Variants in MARCHF1 observed in about 807,000 individuals in gnomAD.
The protein encoded by MARCHF1 is E3 ubiquitin-protein ligase MARCHF1.
Under a neutral mutation model 54.2 loss-of-function variants are expected in MARCHF1, and 40 were observed. The ratio of observed to expected loss-of-function variants is 0.74; its 90% CI spans 0.57 to 0.96. MARCHF1 has a LOEUF of 0.96. Ranked by LOEUF, MARCHF1 falls within the 40% of genes least tolerant of loss-of-function variation. The pLI is 0.00. For missense variants in MARCHF1, 586 were observed against 656.5 expected (o/e 0.89, Z 1.17); for synonymous variants, 236 against 236.3 (o/e 1.00, Z 0.01).
intron 1 of MARCHF1, among the ~76,000 whole-genome samples, chr4:164,305,607 T>C (rs1234603339): frequency 6.6e-6 from 1 of 152,156 alleles, no homozygotes; most frequent in African/African-American, 2.4e-5. Flanking sequence ...TAAGAAAAAA[T>C]AAAATATTTA....
chr4:163,750,560 A>G (rs1746494006), intron 4 of MARCHF1, among the ~76,000 whole-genome samples: 1 of 151,950 alleles, frequency 6.6e-6, no homozygotes. Flanking sequence ...AAATAAACGT[A>G]TCTGACAAAG....
At chr4:164,295,405 G>A (rs559060299) in intron 1 of MARCHF1, among the ~76,000 whole-genome samples, 1 of 150,902 alleles carries the variant, frequency 6.6e-6, no homozygotes, top group East Asian at 2.0e-4. Context: ...TACATTTTGG[G>A]GTGATGTGTT....
intron 4 of MARCHF1, among the ~76,000 whole-genome samples, chr4:163,747,675 TAAC>T (rs1350346492): frequency 1.3e-5 from 2 of 152,042 alleles, no homozygotes; most frequent in Non-Finnish European, 2.9e-5. Context: ...CATAACAATA[TAAC>T]AACTGAAATT....
intron 2 of MARCHF1, among the ~76,000 whole-genome samples, chr4:164,042,936 C>T (rs1252511286): frequency 6.6e-6 from 1 of 152,172 alleles, no homozygotes; most frequent in East Asian, 1.9e-4. Context: ...AAAATAATCT[C>T]GACTGTATTT....
At chr4:163,824,011 G>A (rs1351637970) in intron 4 of MARCHF1, among the ~76,000 whole-genome samples, 1 of 151,616 alleles carries the variant, frequency 6.6e-6, no homozygotes, top group African/African-American at 2.4e-5. Context: ...TAAAAGATGG[G>A]GGTGTAATAT....
At chr4:163,721,460 T>A (rs1339108156) in intron 4 of MARCHF1, among the ~76,000 whole-genome samples, 25 of 150,430 alleles carry the variant, frequency 1.7e-4, no homozygotes, top group African/African-American at 4.7e-4. Flanking sequence ...TTTGCATCGA[T>A]GTTCATCAGG....
chr4:163,768,995 C>T (rs921926339), intron 4 of MARCHF1, among the ~76,000 whole-genome samples: 1 of 152,024 alleles, frequency 6.6e-6, no homozygotes, highest in African/African-American at 2.4e-5. Context: ...AAAATGTATA[C>T]CACGTGAATA....
chr4:164,324,489 A>G (rs1735222174), intron 1 of MARCHF1, among the ~76,000 whole-genome samples: 2 of 151,588 alleles, frequency 1.3e-5, no homozygotes, highest in African/African-American at 4.8e-5. Flanking sequence ...TGATGAACCT[A>G]TTATACAATT....
chr4:164,082,197 A>C (rs974385765), intron 2 of MARCHF1, among the ~76,000 whole-genome samples: 1 of 152,196 alleles, frequency 6.6e-6, no homozygotes, highest in Non-Finnish European at 1.5e-5. Context: ...GTTTTTCTCC[A>C]GTGAAGCCTG....
chr4:164,084,913 T>A (rs1172249440), intron 2 of MARCHF1, among the ~76,000 whole-genome samples: 3 of 151,912 alleles, frequency 2.0e-5, no homozygotes, highest in East Asian at 1.9e-4. Context: ...ATGATTTTTT[T>A]AAAAGTAATG....
intron 4 of MARCHF1, among the ~76,000 whole-genome samples, chr4:163,840,902 A>G (rs1749319456): frequency 6.6e-6 from 1 of 152,128 alleles, no homozygotes; most frequent in African/African-American, 2.4e-5. Context: ...TACAACTTAA[A>G]TGGGCATATA....
At chr4:163,994,656 A>G (rs1351653806) in intron 2 of MARCHF1, among the ~76,000 whole-genome samples, 1 of 151,772 alleles carries the variant, frequency 6.6e-6, no homozygotes, top group Non-Finnish European at 1.5e-5. Context: ...AGAATTAAAA[A>G]CTAAATTTAA....
chr4:164,254,666 G>T (rs28395454), intron 1 of MARCHF1, among the ~76,000 whole-genome samples: 73,522 of 151,680 alleles, frequency 0.48, 20,377 homozygotes, highest in African/African-American at 0.73. Flanking sequence ...CCAGTCCAAA[G>T]CACAAAACTG....
At chr4:164,051,558 A>G (rs1754365445) in intron 2 of MARCHF1, among the ~76,000 whole-genome samples, 1 of 152,196 alleles carries the variant, frequency 6.6e-6, no homozygotes. Context: ...CATGTTAACA[A>G]CCAACTAGAC....
intron 1 of MARCHF1, among the ~76,000 whole-genome samples, chr4:164,116,335 G>A (rs1234348527): frequency 5.3e-5 from 8 of 152,134 alleles, no homozygotes; most frequent in Admixed American, 5.2e-4. Flanking sequence ...TTTTAGGGCA[G>A]GAGTCTGCAA....
At chr4:164,133,880 G>A (rs989848877) in intron 1 of MARCHF1, among the ~76,000 whole-genome samples, 1 of 152,142 alleles carries the variant, frequency 6.6e-6, no homozygotes, top group South Asian at 2.1e-4. Flanking sequence ...CTGATTTACA[G>A]AGTCCACTTA....
chr4:164,126,610 C>T (rs1160100885), intron 1 of MARCHF1, among the ~76,000 whole-genome samples: 1 of 152,124 alleles, frequency 6.6e-6, no homozygotes, highest in African/African-American at 2.4e-5. Context: ...AAAACCCTAC[C>T]TTGCTCTGAA....
intron 2 of MARCHF1, among the ~76,000 whole-genome samples, chr4:164,079,734 T>C (rs1406585860): frequency 6.6e-6 from 1 of 152,154 alleles, no homozygotes; most frequent in Non-Finnish European, 1.5e-5. Flanking sequence ...TTTCTATTTA[T>C]CTACTTTTTA....
chr4:164,256,259 T>C (rs1414866247), intron 1 of MARCHF1, among the ~76,000 whole-genome samples: 4 of 151,518 alleles, frequency 2.6e-5, no homozygotes, highest in Non-Finnish European at 5.9e-5. Context: ...ATATTAGATA[T>C]TAAATAAAAG....
Sources: gnomAD v4.1 joint callset for allele counts (sites outside exome capture counted in the v4.1 genomes callset) on GRCh38, gnomAD v4.1.1 for gene constraint, MANE v1.5 for transcripts, NCBI Gene and HGNC (gene_info 2026-07-23, HGNC 2026-07-21) for gene names.